Variants in TBK1 observed in about 807,000 individuals in gnomAD.
TBK1 encodes the protein TANK binding kinase 1.
Under a neutral mutation model 99.9 loss-of-function variants are expected in TBK1, and 37 were observed. That is an observed-to-expected ratio of 0.37 (90% CI 0.28 to 0.49). TBK1 has a LOEUF of 0.49. Among genes scored for constraint, TBK1 ranks in the 20% least tolerant of loss-of-function variants. The probability of loss-of-function intolerance (pLI) is 0.98; values close to 1 mark genes in which losing one functional copy is unlikely to be tolerated. For synonymous variants in TBK1, 258 were observed against 279.8 expected (o/e 0.92, Z 0.78); for missense variants, 644 against 872.5 (o/e 0.74, Z 3.30).
intron 2 of TBK1, among the ~76,000 whole-genome samples, chr12:64,458,115 AC>A (rs1434929906): frequency 1.3e-5 from 2 of 151,602 alleles, no homozygotes; most frequent in East Asian, 3.9e-4. Context: ...ACACACACAC[AC>A]ACACATACAC....
rs914608792 is a variant in TBK1, at chr12:64,498,942, T to C, written c.2138+903T>C. 2.8e-5 allele frequency among the ~76,000 whole-genome samples: 4 copies of C among 144,826 alleles called. No homozygotes were observed. In the Admixed American group the frequency reaches 2.8e-4, roughly 10 times the overall value. On this transcript the variant is annotated intron_variant, in intron 20 of 20. Coordinates refer to ENST00000331710, the MANE Select transcript of TBK1 (RefSeq NM_013254.4). Reference sequence around the variant, plus strand: ...CTGCACTCCAGCCTGGGTGACAGAGTGAGACCCTGTTTCAAAAAAAAAAAA... The same window carrying C: ...CTGCACTCCAGCCTGGGTGACAGAGCGAGACCCTGTTTCAAAAAAAAAAAA...
intron 13 of TBK1, among the ~76,000 whole-genome samples, chr12:64,493,354 C>T (rs1323217354): frequency 6.6e-6 from 1 of 152,120 alleles, no homozygotes; most frequent in Non-Finnish European, 1.5e-5. Flanking sequence ...CCACAGGTCG[C>T]AGTGGTTCAC....
chr12:64,492,779 A>G (rs6581569), intron 13 of TBK1, among the ~76,000 whole-genome samples: 28,376 of 149,272 alleles, frequency 0.19, 3,327 homozygotes, highest in East Asian at 0.26. Flanking sequence ...TTGGAGTGCA[A>G]TGGCGTAATC....
intron 20 of TBK1, 52 bp downstream of exon 20, chr12:64,498,091 C>T: frequency 3.5e-6 from 5 of 1,420,298 alleles, no homozygotes; most frequent in Non-Finnish European, 9.8e-7. Flanking sequence ...TGAGTTCATT[C>T]ACATCTGTAC....
chr12:64,477,786 G>C (rs141920721), intron 6 of TBK1, among the ~76,000 whole-genome samples: 2 of 152,200 alleles, frequency 1.3e-5, no homozygotes, highest in East Asian at 3.9e-4. Context: ...TGTCATAGAT[G>C]GCTCTTATTA....
intron 7 of TBK1, among the ~76,000 whole-genome samples, chr12:64,481,414 A>T (rs911444346): frequency 6.6e-6 from 1 of 152,174 alleles, no homozygotes; most frequent in Non-Finnish European, 1.5e-5. Flanking sequence ...TTTTGTTTTA[A>T]ATAGTAAGAA....
At chr12:64,469,968 C>T (rs549598306) in intron 5 of TBK1, among the ~76,000 whole-genome samples, 1 of 152,252 alleles carries the variant, frequency 6.6e-6, no homozygotes, top group East Asian at 1.9e-4. Flanking sequence ...GTTTACTGCT[C>T]TAAGAATGTT....
At chr12:64,452,901 C>G in intron 1 of TBK1, 1 of 152,220 alleles carries the variant, frequency 6.6e-6, no homozygotes, top group East Asian at 1.9e-4. Context: ...AAAGACTGGT[C>G]TTTTCCACTC....
chr12:64,472,554 A>G (rs183704952), intron 5 of TBK1, among the ~76,000 whole-genome samples: 1 of 152,306 alleles, frequency 6.6e-6, no homozygotes, highest in African/African-American at 2.4e-5. Context: ...GTGTGTGACC[A>G]CTGGTTATTC....
At chr12:64,464,979 C>T (rs1248388652) in intron 4 of TBK1, among the ~76,000 whole-genome samples, 1 of 152,038 alleles carries the variant, frequency 6.6e-6, no homozygotes, top group Non-Finnish European at 1.5e-5. Context: ...CATGGTGGCT[C>T]ACGCCTGTAA....
At chr12:64,478,312 G>A (rs556622123) in intron 6 of TBK1, among the ~76,000 whole-genome samples, 66 of 152,106 alleles carry the variant, frequency 4.3e-4, no homozygotes, top group African/African-American at 1.5e-3. Context: ...CACCATGCCC[G>A]GCTAATTTTT....
chr12:64,480,144 C>T (rs2040754687), intron 7 of TBK1, 22 bp downstream of exon 7: 1 of 1,570,320 alleles, frequency 6.4e-7, no homozygotes, highest in Non-Finnish European at 8.7e-7. Context: ...GTACCTAATT[C>T]TCATCTTTTG....
chr12:64,493,096 G>A (rs1427627522), intron 13 of TBK1, among the ~76,000 whole-genome samples: 1 of 151,542 alleles, frequency 6.6e-6, no homozygotes. Flanking sequence ...GGGTTTCACC[G>A]TATTAGCCAG....
chr12:64,501,182 C>A, intron 20 of TBK1, 148 bp from the exon 21 acceptor site: 1 of 699,584 alleles, frequency 1.4e-6, no homozygotes, highest in Non-Finnish European at 2.4e-6. Flanking sequence ...CATGCTGTTC[C>A]AGTAAGAAAT....
intron 3 of TBK1, among the ~76,000 whole-genome samples, chr12:64,463,938 A>T (rs1295428263): frequency 6.7e-6 from 1 of 150,026 alleles, no homozygotes; most frequent in Non-Finnish European, 1.5e-5. Context: ...ATCTCGGCTC[A>T]CTGCAACTTC....
intron 5 of TBK1, among the ~76,000 whole-genome samples, chr12:64,469,037 T>G (rs890640647): frequency 2.0e-5 from 3 of 151,996 alleles, no homozygotes; most frequent in Non-Finnish European, 4.4e-5. Context: ...CAACCTGTGT[T>G]GTTGAGGGCC....
At position 64,474,059 on chromosome 12, in the gene TBK1, T is replaced by A. The variant is rs541593385; in HGVS notation, c.541-171T>A. ...CATCAAAACTGAGGATCAAAGGAGGTGGTGGAGGTTTGAGGAGGGAGGGGA... is the reference window on the plus strand; with the variant it reads ...CATCAAAACTGAGGATCAAAGGAGGAGGTGGAGGTTTGAGGAGGGAGGGGA... On this transcript the variant is annotated intron_variant, in intron 5 of 20. Transcript: ENST00000331710. Among the ~76,000 whole-genome samples the A allele has an allele frequency of 5.9e-5, 9 of 151,704 alleles. No individual in the cohort carries two copies. The East Asian group carries it at 1.4e-3, about 23-fold the overall frequency.
intron 20 of TBK1, 133 bp from the exon 21 acceptor site, chr12:64,501,197 C>T: frequency 1.3e-6 from 1 of 799,694 alleles, no homozygotes; most frequent in South Asian, 1.8e-5. Flanking sequence ...AGAAATAGAA[C>T]AAATCATAGT....
At chr12:64,461,319 T>C (rs2040546629) in intron 3 of TBK1, among the ~76,000 whole-genome samples, 2 of 151,966 alleles carry the variant, frequency 1.3e-5, no homozygotes, top group Non-Finnish European at 2.9e-5. Flanking sequence ...TAAGGGGAAA[T>C]AGTGGAATTA....
Sources: allele counts gnomAD v4.1 joint callset (sites outside exome capture counted in the v4.1 genomes callset), GRCh38; gene constraint gnomAD v4.1.1; transcripts MANE v1.5; gene names NCBI Gene and HGNC (gene_info 2026-07-23, HGNC 2026-07-21).